Variants in GLIS3 observed in about 807,000 individuals in gnomAD.
GLIS3 encodes GLIS family zinc finger 3.
A neutral mutation model predicts 78.6 loss-of-function variants in GLIS3; 53 were observed. That is an observed-to-expected ratio of 0.67 (90% CI 0.54 to 0.85). The LOEUF (loss-of-function observed/expected upper bound fraction) is 0.85. Ranked by LOEUF, GLIS3 falls within the 40% of genes least tolerant of loss-of-function variation. The probability of loss-of-function intolerance (pLI) is 0.00; values close to 1 mark genes in which losing one functional copy is unlikely to be tolerated. For missense variants in GLIS3, 1,703 were observed against 1,231.1 expected (o/e 1.38, Z -5.74); for synonymous variants, 684 against 509.9 (o/e 1.34, Z -4.60).
At chr9:4,151,225 A>G (rs1201814012) in intron 2 of GLIS3, among the ~76,000 whole-genome samples, 1 of 152,214 alleles carries the variant, frequency 6.6e-6, no homozygotes, top group African/African-American at 2.4e-5. Context: ...AGCCTAGAAG[A>G]TACAAAAGCC....
intron 4 of GLIS3, among the ~76,000 whole-genome samples, chr9:3,983,477 T>G (rs758611127): frequency 2.6e-5 from 4 of 152,008 alleles, no homozygotes; most frequent in African/African-American, 9.7e-5. Context: ...CAGGCAGGGA[T>G]TGGAACAGTT....
the GLIS3 span, among the ~76,000 whole-genome samples, chr9:4,456,331 C>T: frequency 6.6e-6 from 1 of 152,104 alleles, no homozygotes; most frequent in African/African-American, 2.4e-5. Flanking sequence ...GTTGGGGTGG[C>T]TGTGGCAATT....
chr9:4,265,727 G>A (rs535296372), intron 2 of GLIS3, among the ~76,000 whole-genome samples: 22 of 152,294 alleles, frequency 1.4e-4, no homozygotes, highest in South Asian at 2.1e-4. Context: ...ATGTTAGGGT[G>A]CTGAGGCATC....
intron 2 of GLIS3, among the ~76,000 whole-genome samples, chr9:4,245,362 C>G (rs1401865130): frequency 6.6e-6 from 1 of 152,172 alleles, no homozygotes; most frequent in Non-Finnish European, 1.5e-5. Flanking sequence ...AATCGGAAGA[C>G]CCAAATTCGG....
At chr9:4,273,688 C>A in intron 2 of GLIS3, among the ~76,000 whole-genome samples, 1 of 151,458 alleles carries the variant, frequency 6.6e-6, no homozygotes, top group East Asian at 1.9e-4. Context: ...ATGCCATTTT[C>A]TGTTCCACCA....
At chr9:4,109,990 C>T (rs1390296623) in intron 4 of GLIS3, among the ~76,000 whole-genome samples, 1 of 152,138 alleles carries the variant, frequency 6.6e-6, no homozygotes, top group Non-Finnish European at 1.5e-5. Context: ...TAAAAGTTTG[C>T]ATAGCTGTAT....
chr9:4,025,308 A>T (rs1823238652), intron 4 of GLIS3, among the ~76,000 whole-genome samples: 1 of 152,166 alleles, frequency 6.6e-6, no homozygotes, highest in South Asian at 2.1e-4. Flanking sequence ...ATAAAGGATG[A>T]GCAAATGGAT....
At chr9:3,965,537 T>C (rs1052690058) in intron 4 of GLIS3, among the ~76,000 whole-genome samples, 2 of 152,218 alleles carry the variant, frequency 1.3e-5, no homozygotes, top group Non-Finnish European at 2.9e-5. Context: ...GTTCATAACT[T>C]TGAGTCAAAT....
intron 2 of GLIS3, among the ~76,000 whole-genome samples, chr9:4,272,772 C>T (rs776452038): frequency 6.6e-6 from 1 of 152,086 alleles, no homozygotes; most frequent in Non-Finnish European, 1.5e-5. Flanking sequence ...ATGACTTGAT[C>T]GGAAGGCTGT....
chr9:4,369,201 G>T, the GLIS3 span, among the ~76,000 whole-genome samples: 1 of 152,064 alleles, frequency 6.6e-6, no homozygotes, highest in Admixed American at 6.5e-5. Flanking sequence ...AATGTCTGAT[G>T]GATTACTCAG....
intron 4 of GLIS3, among the ~76,000 whole-genome samples, chr9:4,107,184 G>A (rs1830823340): frequency 6.6e-6 from 1 of 152,152 alleles, no homozygotes; most frequent in African/African-American, 2.4e-5. Flanking sequence ...TCTTTTCAAG[G>A]AGATATAGAA....
chr9:4,235,053 C>T (rs1587080868), intron 2 of GLIS3, among the ~76,000 whole-genome samples: 1 of 152,122 alleles, frequency 6.6e-6, no homozygotes, highest in South Asian at 2.1e-4. Context: ...AATCCCCACA[C>T]TTTGGGAGGC....
At chr9:4,419,639 G>T in the GLIS3 span, among the ~76,000 whole-genome samples, 1 of 142,540 alleles carries the variant, frequency 7.0e-6, no homozygotes, top group Non-Finnish European at 1.5e-5. Flanking sequence ...AATTAGCCGG[G>T]CGTGGTGGTC....
chr9:3,878,193 C>T (rs1317560141), intron 8 of GLIS3, among the ~76,000 whole-genome samples: 1 of 151,768 alleles, frequency 6.6e-6, no homozygotes, highest in Non-Finnish European at 1.5e-5. Context: ...TCTTTCTTTC[C>T]CTCACCCCCG....
chr9:4,467,051 G>C, the GLIS3 span, among the ~76,000 whole-genome samples: 2 of 152,230 alleles, frequency 1.3e-5, no homozygotes, highest in African/African-American at 4.8e-5. Context: ...AGCAGTTTGA[G>C]ATTGAACTGC....
At chr9:4,458,820 G>T in the GLIS3 span, among the ~76,000 whole-genome samples, 2 of 152,106 alleles carry the variant, frequency 1.3e-5, no homozygotes, top group East Asian at 1.9e-4. Context: ...GAAAATGTCT[G>T]GGAGGAAGTA....
intron 4 of GLIS3, among the ~76,000 whole-genome samples, chr9:3,969,108 TC>T (rs1308827356): frequency 6.6e-6 from 1 of 152,216 alleles, no homozygotes; most frequent in South Asian, 2.1e-4. Context: ...GGTTCATTTT[TC>T]CCCTTGTCTG....
At chr9:4,332,583 C>T (rs1397096939) in intron 2 of GLIS3, among the ~76,000 whole-genome samples, 2 of 152,232 alleles carry the variant, frequency 1.3e-5, no homozygotes, top group East Asian at 1.9e-4. Context: ...GACAGCAGAG[C>T]AGACCAGCCC....
chr9:4,173,586 A>T (rs962893840), intron 2 of GLIS3, among the ~76,000 whole-genome samples: 4 of 150,814 alleles, frequency 2.7e-5, no homozygotes, highest in Non-Finnish European at 1.5e-5. Context: ...ACACACACAC[A>T]CACACACACA....
Sources: allele counts gnomAD v4.1 joint callset (sites outside exome capture counted in the v4.1 genomes callset), GRCh38; gene constraint gnomAD v4.1.1; transcripts MANE v1.5; gene names NCBI Gene and HGNC (gene_info 2026-07-23, HGNC 2026-07-21).